Variants in DESI2 observed in about 807,000 individuals in gnomAD.
DESI2 encodes desumoylating isopeptidase 2.
DESI2 carries 10 observed loss-of-function variants against 24.1 expected under a neutral mutation model. The observed-to-expected ratio is 0.41, with a 90% CI of 0.26 to 0.70. The LOEUF (loss-of-function observed/expected upper bound fraction) is 0.70. Among genes scored for constraint, DESI2 ranks in the 30% least tolerant of loss-of-function variants. The pLI is 0.29. For missense variants in DESI2, 122 were observed against 234.9 expected, an observed-to-expected ratio of 0.52 and a Z score of 3.14; for synonymous variants, 71 against 87.7, an observed-to-expected ratio of 0.81 and a Z score of 1.06.
chr1:244,700,589 A>G (rs1677408606), intron 4 of DESI2, among the ~76,000 whole-genome samples: 1 of 152,140 alleles, frequency 6.6e-6, no homozygotes, highest in Non-Finnish European at 1.5e-5. Flanking sequence ...GTTGCTCACT[A>G]CTACTGAATT....
chr1:244,694,983 A>G (rs1193024480), intron 4 of DESI2, among the ~76,000 whole-genome samples: 1 of 152,242 alleles, frequency 6.6e-6, no homozygotes, highest in Admixed American at 6.5e-5. Context: ...GTTATCTTAC[A>G]AAACAAGTCC....
intron 1 of DESI2, among the ~76,000 whole-genome samples, chr1:244,667,442 G>C (rs775423220): frequency 6.6e-6 from 1 of 152,170 alleles, no homozygotes; most frequent in Non-Finnish European, 1.5e-5. Context: ...TCACATCCAG[G>C]TCACGCTGAT....
intron 1 of DESI2, 71 bp downstream of exon 1, chr1:244,653,426 C>G: frequency 6.8e-7 from 1 of 1,480,596 alleles, no homozygotes; most frequent in Non-Finnish European, 9.0e-7. Context: ...GGCTCGGACC[C>G]CGGCCCCAGG....
At chr1:244,653,789 T>G in intron 1 of DESI2, 1 of 367,890 alleles carries the variant, frequency 2.7e-6, no homozygotes, top group Non-Finnish European at 5.4e-6. Context: ...TCTCTCTCCA[T>G]GGCTACGTCT....
chr1:244,674,987 C>A (rs926079270), intron 1 of DESI2, among the ~76,000 whole-genome samples: 2 of 152,120 alleles, frequency 1.3e-5, no homozygotes, highest in African/African-American at 4.8e-5. Context: ...GTAATGTATT[C>A]GAGTTCTAAT....
intron 1 of DESI2, among the ~76,000 whole-genome samples, chr1:244,683,525 G>A (rs561245304): frequency 0.013 from 1,904 of 152,040 alleles, 22 homozygotes; most frequent in Middle Eastern, 0.02. Context: ...GTTAGCCAGG[G>A]TGGTCTTGAT....
At position 244,689,875 on chromosome 1, in the gene DESI2, T is replaced by C. The variant is rs1262009550; in HGVS notation, c.209+533T>C. 6.6e-6 allele frequency among the ~76,000 whole-genome samples: 1 copy of C among 152,206 alleles called. No homozygotes were observed. Among genetic ancestry groups the C allele is most frequent in the African/African-American group, 2.4e-5 (1 of 41,446 alleles). ...TGTTTGAAAGGAGAAAAAGTTTTATTGTGACCTACCTAGCAAATTAAAAAT... is the reference window on the plus strand; with the variant it reads ...TGTTTGAAAGGAGAAAAAGTTTTATCGTGACCTACCTAGCAAATTAAAAAT... On this transcript the variant is annotated intron_variant, in intron 3 of 4. Coordinates refer to ENST00000302550, the MANE Select transcript of DESI2 (RefSeq NM_016076.5). The surrounding 1 kb of genome is among the most constrained non-coding windows in gnomAD (Gnocchi z 4.0).
chr1:244,660,204 C>T (rs1182875113), intron 1 of DESI2, among the ~76,000 whole-genome samples: 1 of 152,096 alleles, frequency 6.6e-6, no homozygotes, highest in African/African-American at 2.4e-5. Context: ...AGACAGAGGT[C>T]GCCCAGGTTG....
At chr1:244,702,861 A>C (rs1217529797) in intron 4 of DESI2, among the ~76,000 whole-genome samples, 1 of 152,214 alleles carries the variant, frequency 6.6e-6, no homozygotes, top group Non-Finnish European at 1.5e-5. Flanking sequence ...AATGAGGGAA[A>C]TGGCTGTTGA....
intron 1 of DESI2, among the ~76,000 whole-genome samples, chr1:244,655,319 T>C (rs1263970257): frequency 6.6e-6 from 1 of 152,246 alleles, no homozygotes. Context: ...TCTTCTCTAC[T>C]AATTCCTGCA....
intron 1 of DESI2, among the ~76,000 whole-genome samples, chr1:244,680,446 C>G (rs904202211): frequency 6.6e-6 from 1 of 151,952 alleles, no homozygotes; most frequent in Non-Finnish European, 1.5e-5. Flanking sequence ...AAAAAAAGAC[C>G]AGGCCAGTTT....
chr1:244,681,107 G>A (rs774124369), intron 1 of DESI2, among the ~76,000 whole-genome samples: 2 of 151,872 alleles, frequency 1.3e-5, no homozygotes, highest in Non-Finnish European at 2.9e-5. Flanking sequence ...CTTGACATGT[G>A]GCCATCATTC....
intron 1 of DESI2, among the ~76,000 whole-genome samples, chr1:244,681,818 T>C (rs1676623239): frequency 6.6e-6 from 1 of 152,196 alleles, no homozygotes; most frequent in African/African-American, 2.4e-5. Flanking sequence ...CACAACTAGG[T>C]TCATTTGTTT....
intron 4 of DESI2, among the ~76,000 whole-genome samples, chr1:244,698,615 T>G (rs911940701): frequency 6.6e-6 from 1 of 152,242 alleles, no homozygotes; most frequent in Non-Finnish European, 1.5e-5. Flanking sequence ...ACTTGACGCT[T>G]GAGCTAAAAC....
rs1676295984 is a variant in DESI2 at position 244,672,887 on chromosome 1, T to C, written c.43-13710T>C. Among the ~76,000 whole-genome samples, 7 of 151,766 alleles carry C rather than the reference T, an allele frequency of 4.6e-5. No individual in the cohort carries two copies. In the South Asian group the frequency reaches 8.3e-4, roughly 18 times the overall value. ...GAGACTCTGTCTGTAATAATAATAA[T>C]AATAATAATAATAGCAGTTATTTCA... On this transcript the variant is annotated intron_variant, in intron 1 of 4. Coordinates refer to ENST00000302550, the MANE Select transcript of DESI2 (RefSeq NM_016076.5).
intron 1 of DESI2, among the ~76,000 whole-genome samples, chr1:244,658,128 C>T (rs1675710589): frequency 6.6e-6 from 1 of 152,186 alleles, no homozygotes; most frequent in African/African-American, 2.4e-5. Context: ...ATATAATAGC[C>T]TCCTTACGAG....
At chr1:244,700,997 A>G (rs1433937271) in intron 4 of DESI2, among the ~76,000 whole-genome samples, 1 of 152,208 alleles carries the variant, frequency 6.6e-6, no homozygotes, top group African/African-American at 2.4e-5. Flanking sequence ...ATTTCCAAGC[A>G]AAGTGTAGAA....
intron 1 of DESI2, among the ~76,000 whole-genome samples, chr1:244,655,467 T>C (rs1675614317): frequency 6.6e-6 from 1 of 152,226 alleles, no homozygotes; most frequent in African/African-American, 2.4e-5. Flanking sequence ...GAGTGTTTTA[T>C]GTCACTAATT....
intron 1 of DESI2, among the ~76,000 whole-genome samples, chr1:244,664,978 T>C (rs1426538863): frequency 6.6e-6 from 1 of 152,240 alleles, no homozygotes; most frequent in Non-Finnish European, 1.5e-5. Flanking sequence ...CTTCCCCATG[T>C]TAATTTGTGG....
Sources: gnomAD v4.1 joint callset for allele counts (sites outside exome capture counted in the v4.1 genomes callset) on GRCh38, gnomAD v4.1.1 for gene constraint, Gnocchi (gnomAD v3.1) non-coding constraint, MANE v1.5 for transcripts, NCBI Gene and HGNC (gene_info 2026-07-23, HGNC 2026-07-21) for gene names.